The following PCDH7 variants were observed in gnomAD, a reference collection of about 807,000 sequenced individuals.
The protein encoded by PCDH7 is protocadherin 7.
PCDH7 carries 17 observed loss-of-function variants against 58.9 expected under a neutral mutation model. The observed-to-expected ratio is 0.29, with a 90% CI of 0.20 to 0.43. PCDH7 has a LOEUF of 0.43. Ranked by LOEUF, PCDH7 falls within the 20% of genes least tolerant of loss-of-function variation. The pLI, the probability that PCDH7 is intolerant of heterozygous loss-of-function variation, is 1.00. For synonymous variants in PCDH7, 664 were observed against 616.4 expected (o/e 1.08, Z -1.14); for missense variants, 1,274 against 1,441.0 (o/e 0.88, Z 1.88).
chr4:30,815,011 A>G (rs1424547518), intron 1 of PCDH7, among the ~76,000 whole-genome samples: 1 of 152,154 alleles, frequency 6.6e-6, no homozygotes, highest in Non-Finnish European at 1.5e-5. Flanking sequence ...CAGATTAACA[A>G]GCACAAAATA....
chr4:31,021,438 A>G (rs1207861825), intron 3 of PCDH7, among the ~76,000 whole-genome samples: 1 of 152,226 alleles, frequency 6.6e-6, no homozygotes, highest in Non-Finnish European at 1.5e-5. Flanking sequence ...ATTTCTTTGA[A>G]AAAGGCAGTT....
At chr4:31,074,265 G>A (rs1305514510) in intron 3 of PCDH7, among the ~76,000 whole-genome samples, 2 of 150,680 alleles carry the variant, frequency 1.3e-5, no homozygotes, top group Non-Finnish European at 2.9e-5. Flanking sequence ...ATACTAGATT[G>A]CAAAATAGGA....
intron 1 of PCDH7, among the ~76,000 whole-genome samples, chr4:30,836,184 A>C (rs953703365): frequency 1.3e-5 from 2 of 152,210 alleles, no homozygotes; most frequent in African/African-American, 4.8e-5. Flanking sequence ...TCATTTCATT[A>C]TGTTATTGAG....
chr4:30,889,680 G>A (rs1443940057), intron 1 of PCDH7, among the ~76,000 whole-genome samples: 1 of 152,118 alleles, frequency 6.6e-6, no homozygotes, highest in Non-Finnish European at 1.5e-5. Flanking sequence ...GTTCTTCATA[G>A]ATCTTGCTTT....
chr4:31,027,849 A>G (rs563477842), intron 3 of PCDH7, among the ~76,000 whole-genome samples: 1 of 152,174 alleles, frequency 6.6e-6, no homozygotes, highest in Non-Finnish European at 1.5e-5. Context: ...ACTGTGTGTA[A>G]CATTTCCATG....
At chr4:31,040,170 T>C (rs1486397198) in intron 3 of PCDH7, among the ~76,000 whole-genome samples, 1 of 152,220 alleles carries the variant, frequency 6.6e-6, no homozygotes, top group Admixed American at 6.5e-5. Context: ...CAACTCTGTA[T>C]ACCCACGTAA....
chr4:30,978,996 G>A (rs555762066), intron 3 of PCDH7, among the ~76,000 whole-genome samples: 1 of 151,968 alleles, frequency 6.6e-6, no homozygotes, highest in African/African-American at 2.4e-5. Context: ...GTAATATTTA[G>A]AACTCTTCAA....
At chr4:31,142,630 A>C in exon 4 of PCDH7, 4 of 1,367,784 alleles carry the variant, frequency 2.9e-6, no homozygotes, top group Non-Finnish European at 3.9e-6. Context: ...TTGATGAACG[A>C]GGAAGCCAGG....
rs35675648 is a variant in PCDH7, at chr4:30,975,143, TTGTGTGTGTGTGTGTGTG to T, written c.*7+24956_*7+24973del. Among the ~76,000 whole-genome samples the T allele has an allele frequency of 7.2e-5, 10 of 138,764 alleles. No individual in the cohort carries two copies. The East Asian group carries it at 1.3e-3, about 18-fold the overall frequency. The allele number at this position is 138,764 out of a possible 152,430, so 91.0% of individuals were successfully genotyped here. ...AAATCCATCCAGTCCTTCCCTTTCA[TTGTGTGTGTGTGTGTGTG>T]TGTGTGTGTGTGTGTGTGTGTGTGT... On this transcript the variant is annotated intron_variant, in intron 3 of 3. Transcript: ENST00000509759.
chr4:30,808,994 A>G (rs938392402), intron 1 of PCDH7, among the ~76,000 whole-genome samples: 2 of 152,178 alleles, frequency 1.3e-5, no homozygotes, highest in Non-Finnish European at 2.9e-5. Flanking sequence ...TAAAATGGCA[A>G]TTTGTCCTCA....
At chr4:31,084,713 G>A (rs1266778142) in intron 3 of PCDH7, among the ~76,000 whole-genome samples, 5 of 110,434 alleles carry the variant, frequency 4.5e-5, no homozygotes, top group East Asian at 3.6e-4. Context: ...AAAGGGAGGA[G>A]GGGAGGGGAG....
chr4:30,826,845 C>T (rs536726602), intron 1 of PCDH7, among the ~76,000 whole-genome samples: 1 of 152,160 alleles, frequency 6.6e-6, no homozygotes, highest in East Asian at 1.9e-4. Context: ...CCTGCCTCAG[C>T]CCCCCAAATA....
intron 1 of PCDH7, among the ~76,000 whole-genome samples, chr4:30,793,118 C>T (rs1183410843): frequency 2.0e-5 from 3 of 152,038 alleles, no homozygotes; most frequent in Non-Finnish European, 2.9e-5. Flanking sequence ...GTCACATAAA[C>T]GCCTTGCTAT....
chr4:30,938,656 A>G (rs924739679), intron 2 of PCDH7, among the ~76,000 whole-genome samples: 34 of 152,156 alleles, frequency 2.2e-4, no homozygotes, highest in Non-Finnish European at 4.4e-4. Context: ...CATACATTAC[A>G]AACTTGACAG....
intron 3 of PCDH7, among the ~76,000 whole-genome samples, chr4:30,979,454 G>A (rs1578476139): frequency 1.3e-5 from 2 of 152,040 alleles, no homozygotes; most frequent in African/African-American, 4.8e-5. Context: ...AATATACAAT[G>A]AGATGATTGG....
chr4:30,917,297 T>C (rs893800384), intron 1 of PCDH7, among the ~76,000 whole-genome samples: 2 of 152,146 alleles, frequency 1.3e-5, no homozygotes, highest in Admixed American at 6.6e-5. Flanking sequence ...TTTCAGAATT[T>C]TCACTTCTGT....
intron 3 of PCDH7, among the ~76,000 whole-genome samples, chr4:31,040,453 T>C (rs1376467178): frequency 6.6e-6 from 1 of 152,234 alleles, no homozygotes; most frequent in Non-Finnish European, 1.5e-5. Context: ...ATTTTTGCTG[T>C]AAAATTATAT....
At chr4:30,853,924 A>C (rs1309193401) in intron 1 of PCDH7, among the ~76,000 whole-genome samples, 2 of 152,008 alleles carry the variant, frequency 1.3e-5, no homozygotes, top group African/African-American at 2.4e-5. Flanking sequence ...AGCAAATGTA[A>C]ATTTAAATCA....
intron 3 of PCDH7, among the ~76,000 whole-genome samples, chr4:31,005,450 A>T (rs1752689828): frequency 1.3e-5 from 2 of 152,176 alleles, no homozygotes. Context: ...TCAAAAAGGG[A>T]TCAACAGATC....
Sources: gnomAD v4.1 joint callset for allele counts (sites outside exome capture counted in the v4.1 genomes callset) on GRCh38, gnomAD v4.1.1 for gene constraint, MANE v1.5 for transcripts, NCBI Gene and HGNC (gene_info 2026-07-23, HGNC 2026-07-21) for gene names.